The following ETFB variants were observed in gnomAD, a reference collection of about 807,000 sequenced individuals.
ETFB encodes the protein electron transfer flavoprotein subunit beta, also known as beta-ETF.
A neutral mutation model predicts 25.6 loss-of-function variants in ETFB; 20 were observed. The observed-to-expected ratio is 0.78, with a 90% CI of 0.55 to 1.14. The LOEUF is 1.14. Among genes scored for constraint, ETFB ranks in the 50% most tolerant of loss-of-function variants. ETFB has a pLI of 0.00. For synonymous variants in ETFB, 142 were observed against 146.7 expected, an observed-to-expected ratio of 0.97 and a Z score of 0.23; for missense variants, 286 against 342.6, an observed-to-expected ratio of 0.83 and a Z score of 1.30.
chr19:51,361,566 G>C (rs1014506183), intron 1 of ETFB: 1 of 152,222 alleles, frequency 6.6e-6, no homozygotes, highest in Non-Finnish European at 1.5e-5. Context: ...CCAGACGAGA[G>C]GGTGTGGCTG....
At chr19:51,361,566 G>A (rs1014506183) in intron 1 of ETFB, 1 of 152,222 alleles carries the variant, frequency 6.6e-6, no homozygotes, top group Non-Finnish European at 1.5e-5. Flanking sequence ...CCAGACGAGA[G>A]GGTGTGGCTG....
chr19:51,350,720 G>A (rs1222668062), intron 3 of ETFB, among the ~76,000 whole-genome samples: 1 of 152,030 alleles, frequency 6.6e-6, no homozygotes, highest in Admixed American at 6.6e-5. Context: ...GCTGACCTCA[G>A]ATGATCCCCC....
intron 3 of ETFB, among the ~76,000 whole-genome samples, chr19:51,351,898 G>A (rs1376642778): frequency 2.6e-5 from 4 of 151,880 alleles, no homozygotes; most frequent in Admixed American, 6.6e-5. Flanking sequence ...GACATACCTT[G>A]CAGTCTTTGG....
rs757003787 is a variant in ETFB at position 51,345,209 on chromosome 19, G to C, written c.*2C>G. 1 of 1,613,998 alleles carries C rather than the reference G, an allele frequency of 6.2e-7. No homozygotes were observed. Among genetic ancestry groups the C allele is most frequent in the South Asian group, 1.1e-5 (1 of 91,078 alleles). ...AGTTTTATTGCCATCTCTGGGAGGG[G>C]CTCAAATCCGCCCAATCTCCTTCAG... On this transcript the variant is annotated 3_prime_UTR_variant, in exon 6 of 6. Transcript: ENST00000309244.
chr19:51,358,097 G>T (rs766030058), intron 1 of ETFB, among the ~76,000 whole-genome samples: 40 of 152,344 alleles, frequency 2.6e-4, no homozygotes, highest in Non-Finnish European at 5.0e-4. Context: ...ATCCACAGAA[G>T]CCTTGCTAGG....
chr19:51,355,891 AT>A (rs1986067298), intron 1 of ETFB: 1 of 139,934 alleles, frequency 7.1e-6, no homozygotes, highest in Non-Finnish European at 1.5e-5. Flanking sequence ...GAATTGAACA[AT>A]GAGAACACAT....
intron 1 of ETFB, chr19:51,361,696 G>GTTTTTTT (rs1568470352): frequency 7.9e-6 from 1 of 125,896 alleles, no homozygotes; most frequent in African/African-American, 3.2e-5. Context: ...GCCTCTCCTG[G>GTTTTTTT]GTTTTTTTTT....
chr19:51,348,693 AAAAC>A (rs1205865282), intron 4 of ETFB, among the ~76,000 whole-genome samples: 2 of 49,956 alleles, frequency 4.0e-5, no homozygotes, highest in East Asian at 2.9e-4. Flanking sequence ...GTTTAAAAAA[AAAAC>A]AAAAACAAAC....
chr19:51,352,740 G>A (rs892450840), intron 3 of ETFB, among the ~76,000 whole-genome samples: 6 of 152,118 alleles, frequency 3.9e-5, no homozygotes, highest in African/African-American at 1.4e-4. Flanking sequence ...TGATTCTCAT[G>A]CCTCAGCCTC....
chr19:51,354,379 C>T lies in ETFB; in HGVS notation c.58-71G>A, dbSNP rs752190895. 12 of 1,614,178 alleles carry T rather than the reference C, an allele frequency of 7.4e-6. No homozygotes were observed. The African/African-American group carries it at 1.2e-4, about 16-fold the overall frequency. On this transcript the variant is annotated intron_variant, in intron 1 of 5. Transcript: ENST00000309244. ...AGAAGGTGGGGGCCTCAGCGCCAAC[C>T]CTCTCCCAGGCTGGATGAGGACAAC...
chr19:51,366,260 G>A lies in ETFB; in HGVS notation c.57+10C>T, dbSNP rs774872090. 19 of 1,613,360 alleles carry A rather than the reference G, an allele frequency of 1.2e-5. No individual in the cohort carries two copies. Among genetic ancestry groups the A allele is most frequent in the Admixed American group, 6.7e-5 (4 of 60,014 alleles). The stretch of plus-strand genomic sequence containing the variant: ...GGACTCAGGGATGTGGGAGAGGGGG[G>A]CCCGATCACCTTCACGGCGTAGTCG... On this transcript the variant is annotated intron_variant, in intron 1 of 5. Transcript: ENST00000309244.
At chr19:51,354,482 G>A (rs759233806) in intron 1 of ETFB, 174 bp from the exon 2 acceptor site, 2 of 1,614,188 alleles carry the variant, frequency 1.2e-6, no homozygotes, top group Admixed American at 1.7e-5. Context: ...TTTGTAGGCA[G>A]GGGCAGGTCA....
Position 51,366,330 on chromosome 19 carries a change from C to T in ETFB, c.-4G>A. 1 of 1,612,280 alleles carries T rather than the reference C, an allele frequency of 6.2e-7. No individual in the cohort carries two copies. Among genetic ancestry groups the T allele is most frequent in the Non-Finnish European group, 8.5e-7 (1 of 1,179,854 alleles). ...CGAGCACGCGCAGCTCCGCCATCTT[C>T]CCGCCGCAGCCACTTACAGGGTCAG... On this transcript the variant is annotated 5_prime_UTR_variant, in exon 1 of 6. Coordinates refer to ENST00000309244, the MANE Select transcript of ETFB (RefSeq NM_001985.3).
intron 5 of ETFB, 168 bp from the exon 6 acceptor site, chr19:51,345,549 G>T: frequency 1.4e-6 from 1 of 696,338 alleles, no homozygotes; most frequent in Non-Finnish European, 2.5e-6. Flanking sequence ...CACCTGGTGT[G>T]GACAACTCCT....
chr19:51,356,847 C>G (rs540696442), intron 1 of ETFB: 3 of 152,354 alleles, frequency 2.0e-5, no homozygotes, highest in African/African-American at 7.2e-5. Flanking sequence ...CCTCCAGCTT[C>G]TGCTGACACT....
intron 1 of ETFB, among the ~76,000 whole-genome samples, chr19:51,363,733 GC>G (rs1227710092): frequency 6.6e-6 from 1 of 152,146 alleles, no homozygotes; most frequent in African/African-American, 2.4e-5. Context: ...AGAGGTGTGA[GC>G]CACCGCGCCT....
Position 51,345,371 on chromosome 19 carries a change from T to C in ETFB, c.608A>G (p.Lys203Arg). The change falls in exon 6 of 6, where the codon AAG (lysine) becomes AGG (arginine). Residue 203 changes from lysine (K) to arginine (R), a missense_variant. Physicochemically the swap from Lys to Arg is conservative, Grantham distance 26. Transcript: ENST00000309244. Reference sequence around the variant, plus strand: ...AGGCTTGATCACCTCGATCTTCTTCTTCTTGGCTTTCTGCACATGGGAAGC... The same window carrying C: ...AGGCTTGATCACCTCGATCTTCTTCCTCTTGGCTTTCTGCACATGGGAAGC... ...ATLPNIMKAK[K>R]KKIEVIKPGD... 2 of 1,614,124 alleles carry C rather than the reference T, an allele frequency of 1.2e-6. No homozygotes were observed. The highest frequency in any genetic ancestry group is 1.7e-6 in the Non-Finnish European group (2 of 1,180,010).
At chr19:51,351,104 C>A (rs1406707104) in intron 3 of ETFB, among the ~76,000 whole-genome samples, 1 of 152,228 alleles carries the variant, frequency 6.6e-6, no homozygotes, top group Non-Finnish European at 1.5e-5. Context: ...AGGAGTCCCA[C>A]CCTATGTGGC....
intron 3 of ETFB, 87 bp from the exon 4 acceptor site, chr19:51,350,478 CTT>C (rs1449777553): frequency 1.4e-6 from 1 of 731,608 alleles, no homozygotes; most frequent in African/African-American, 1.7e-5. Context: ...GGTTGGCAAA[CTT>C]TTTCTTTCTT....
Sources: allele counts gnomAD v4.1 joint callset (sites outside exome capture counted in the v4.1 genomes callset), GRCh38; gene constraint gnomAD v4.1.1; transcripts MANE v1.5; gene names NCBI Gene and HGNC (gene_info 2026-07-23, HGNC 2026-07-21).